ERICH3: variants seen among roughly 807,000 people sequenced by gnomAD.
ERICH3 encodes glutamate rich 3.
Under a neutral mutation model 131.1 loss-of-function variants are expected in ERICH3, and 126 were observed. The ratio of observed to expected loss-of-function variants is 0.96; its 90% confidence interval spans 0.83 to 1.11. The LOEUF is 1.11. Among genes scored for constraint, ERICH3 ranks in the 50% most tolerant of loss-of-function variants. The pLI is 0.00. For missense variants in ERICH3, 2,050 were observed against 1,810.7 expected, an observed-to-expected ratio of 1.13 and a Z score of -2.40; for synonymous variants, 695 against 644.6, an observed-to-expected ratio of 1.08 and a Z score of -1.18.
In ERICH3 at chr1:74,587,546, G is replaced by A. The variant is rs140018029; in HGVS notation, c.2176+2085C>T. 7.2e-5 allele frequency among the ~76,000 whole-genome samples: 11 copies of A among 151,950 alleles called. No individual in the cohort carries two copies. The East Asian group carries it at 1.7e-3, about 24-fold the overall frequency. On this transcript the variant is annotated intron_variant, in intron 12 of 14. Transcript: ENST00000326665. ...AGAAAAAAAAACTACTGTCTTCCAG[G>A]TGACATGATCATAGTGCTACATCTC... is the stretch of plus-strand genomic sequence containing the variant.
intron 11 of ERICH3, among the ~76,000 whole-genome samples, chr1:74,595,505 G>A (rs900082587): frequency 2.0e-5 from 3 of 151,890 alleles, no homozygotes; most frequent in African/African-American, 4.8e-5. Flanking sequence ...AAAATAAAAT[G>A]TTCTCCATAT....
chr1:74,599,082 A>G (rs1488120683), intron 11 of ERICH3, among the ~76,000 whole-genome samples: 1 of 151,996 alleles, frequency 6.6e-6, no homozygotes, highest in Admixed American at 6.6e-5. Flanking sequence ...ATTTGTAAAA[A>G]ATTACATAAA....
At chr1:74,581,266 T>G (rs536472821) in intron 12 of ERICH3, among the ~76,000 whole-genome samples, 1 of 152,216 alleles carries the variant, frequency 6.6e-6, no homozygotes, top group Non-Finnish European at 1.5e-5. Flanking sequence ...ATCTGCTTTG[T>G]GTGGAATAGC....
intron 11 of ERICH3, chr1:74,591,978 A>T (rs1647628157): frequency 6.6e-6 from 1 of 152,134 alleles, no homozygotes; most frequent in Non-Finnish European, 1.5e-5. Context: ...TTTAAGATAA[A>T]AAATACCTGT....
At chr1:74,651,288 A>G (rs1215779134) in intron 1 of ERICH3, among the ~76,000 whole-genome samples, 1 of 152,128 alleles carries the variant, frequency 6.6e-6, no homozygotes. Flanking sequence ...TTTCATCCTC[A>G]AAAGAGACTG....
At chr1:74,672,011 T>A (rs1009783049) in intron 1 of ERICH3, among the ~76,000 whole-genome samples, 1 of 152,246 alleles carries the variant, frequency 6.6e-6, no homozygotes, top group South Asian at 2.1e-4. Flanking sequence ...CTTTTCCCCA[T>A]AGGCTTGGAA....
Position 74,589,792 on chromosome 1 carries a change from CCTT to C in ERICH3, c.2012_2014del (p.Glu671del). On this transcript the variant is annotated inframe_deletion, in exon 12 of 15. Transcript: ENST00000326665. ...AATCTCTTGGGTTCCTTTCTCCGTT[CCTT>C]CTTTAAGAACATTCTCAAAGCTTTC... 6.2e-7 allele frequency: 1 copy of C among 1,614,072 alleles called. No individual in the cohort carries two copies. Among genetic ancestry groups the C allele is most frequent in the Non-Finnish European group, 8.5e-7 (1 of 1,179,970 alleles).
In ERICH3 at chr1:74,571,186, C is replaced by T. The variant is rs1185101527; in HGVS notation, c.4524G>A (p.Glu1508=). The T allele has an allele frequency of 6.2e-7, 1 of 1,614,132 alleles. No individual in the cohort carries two copies. Among genetic ancestry groups the T allele is most frequent in the South Asian group, 1.1e-5 (1 of 91,074 alleles). Residue 1508 remains glutamate, a synonymous_variant, in exon 14 of 15, where the codon GAG becomes GAA. Coordinates refer to ENST00000326665, the MANE Select transcript of ERICH3 (RefSeq NM_001002912.5). The part of the protein sequence containing the change: ...PVKPDFTETR[E]KQQHMVQGES... Reference sequence around the variant, plus strand: ...CTCCTTGCACCATATGCTGTTGCTTCTCTCGGGTTTCAGTGAAATCAGGCT... The same window carrying T: ...CTCCTTGCACCATATGCTGTTGCTTTTCTCGGGTTTCAGTGAAATCAGGCT...
intron 8 of ERICH3, among the ~76,000 whole-genome samples, chr1:74,619,239 T>A (rs1303296493): frequency 6.6e-6 from 1 of 152,140 alleles, no homozygotes; most frequent in African/African-American, 2.4e-5. Context: ...CATCACAGAG[T>A]GTACATCATC....
rs1258328419 is a variant in ERICH3, at chr1:74,612,704, T to C, written c.1106A>G (p.Lys369Arg). 6.2e-7 allele frequency: 1 copy of C among 1,604,994 alleles called. No individual in the cohort carries two copies. Among genetic ancestry groups the C allele is most frequent in the Non-Finnish European group, 8.5e-7 (1 of 1,173,126 alleles). Residue 369 changes from lysine (K) to arginine (R), a missense_variant, in exon 9 of 15, where the codon AAG becomes AGG. Lys to Arg is a conservative substitution (Grantham distance 26). Coordinates refer to ENST00000326665, the MANE Select transcript of ERICH3 (RefSeq NM_001002912.5). ...VNRLSSCCEY[K>R]HRKGSRLGGK... ...TCCAAGCCTGGAACCTTTCCGATGC[T>C]TGTATTCACAACAGGAGCTTAACCT...
chr1:74,643,687 G>A (rs577800819), intron 3 of ERICH3, among the ~76,000 whole-genome samples: 9 of 152,138 alleles, frequency 5.9e-5, no homozygotes, highest in African/African-American at 2.2e-4. Flanking sequence ...ATTTCTTCTT[G>A]AACAACTCTA....
At chr1:74,579,352 A>G (rs1206337652) in intron 12 of ERICH3, 1 of 963,834 alleles carries the variant, frequency 1.0e-6, no homozygotes, top group African/African-American at 1.8e-5. Context: ...GAACCAAAAG[A>G]CTACTATAAG....
At chr1:74,629,109 A>G (rs1264852180) in intron 7 of ERICH3, among the ~76,000 whole-genome samples, 1 of 152,170 alleles carries the variant, frequency 6.6e-6, no homozygotes, top group Non-Finnish European at 1.5e-5. Flanking sequence ...CGACGGAGTT[A>G]AAATCATACA....
intron 9 of ERICH3, among the ~76,000 whole-genome samples, chr1:74,611,635 T>A (rs1648701166): frequency 6.6e-6 from 1 of 152,170 alleles, no homozygotes; most frequent in East Asian, 1.9e-4. Flanking sequence ...ATGGTTCTAT[T>A]CCTTTTGTGC....
At chr1:74,646,481 T>G (rs900498796) in intron 3 of ERICH3, among the ~76,000 whole-genome samples, 186 bp downstream of exon 3, 4 of 152,114 alleles carry the variant, frequency 2.6e-5, no homozygotes, top group Non-Finnish European at 4.4e-5. Context: ...ATTGAGTATT[T>G]CTTTCATTTT....
Position 74,569,901 on chromosome 1 carries a change from T to C in ERICH3, c.*557A>G, listed in dbSNP as rs902721071. ...GTGAATATACATGCCAAGAAATCTT[T>C]TGCTGGAAGAACTTAGAGATTTGGA... On this transcript the variant is annotated 3_prime_UTR_variant, in exon 15 of 15. Coordinates refer to ENST00000326665, the MANE Select transcript of ERICH3 (RefSeq NM_001002912.5). 2.0e-5 allele frequency: 3 copies of C among 152,190 alleles called. No homozygotes were observed. Among genetic ancestry groups the C allele is most frequent in the African/African-American group, 7.2e-5 (3 of 41,448 alleles). 9.4% of individuals were successfully genotyped at this position (152,190 alleles called of 1,614,324 possible).
intron 12 of ERICH3, among the ~76,000 whole-genome samples, chr1:74,579,089 A>G (rs189544217): frequency 1.3e-5 from 2 of 152,294 alleles, no homozygotes; most frequent in African/African-American, 4.8e-5. Context: ...ATTTACTATC[A>G]AGTTTTCATT....
rs759558131 is a variant in ERICH3 at position 74,571,286 on chromosome 1, C to T, written c.4424G>A (p.Arg1475Gln). The change falls in exon 14 of 15, where the codon CGA (arginine) becomes CAA (glutamine). Residue 1475 changes from arginine (R) to glutamine (Q), a missense_variant. Arg to Gln is a conservative substitution (Grantham distance 43). Transcript: ENST00000326665. ...CTCTCCCTCCCGTGATAATCCTAATCGGAATTTTTCAGCTGCTCCTGTCTC... is the reference window on the plus strand; with the variant it reads ...CTCTCCCTCCCGTGATAATCCTAATTGGAATTTTTCAGCTGCTCCTGTCTC... Reference protein sequence around the residue: ...RQETGAAEKFRLGLSREGERE... With the variant: ...RQETGAAEKFQLGLSREGERE... 2.5e-6 allele frequency: 4 copies of T among 1,614,054 alleles called. No individual in the cohort carries two copies. The highest frequency in any genetic ancestry group is 3.4e-6 in the Non-Finnish European group (4 of 1,179,994).
intron 3 of ERICH3, among the ~76,000 whole-genome samples, 191 bp downstream of exon 3, chr1:74,646,472 TTGAG>T (rs1410094134): frequency 2.6e-5 from 4 of 152,090 alleles, no homozygotes; most frequent in African/African-American, 9.7e-5. Flanking sequence ...CAGAGAGATA[TTGAG>T]TATTTCTTTC....
Sources: gnomAD v4.1 joint callset for allele counts (sites outside exome capture counted in the v4.1 genomes callset) on GRCh38, gnomAD v4.1.1 for gene constraint, MANE v1.5 for transcripts, NCBI Gene and HGNC (gene_info 2026-07-23, HGNC 2026-07-21) for gene names.